Variants in SCAPER observed in about 807,000 individuals in gnomAD.
The protein encoded by SCAPER is S phase cyclin A-associated protein in the endoplasmic reticulum.
Under a neutral mutation model 182.2 loss-of-function variants are expected in SCAPER, and 98 were observed. That is an observed-to-expected ratio of 0.54 (90% confidence interval 0.46 to 0.64). The LOEUF is 0.64. Ranked by LOEUF, SCAPER falls within the 30% of genes least tolerant of loss-of-function variation. The probability of loss-of-function intolerance (pLI) is 0.00; values close to 1 mark genes in which losing one functional copy is unlikely to be tolerated. For missense variants in SCAPER, 1,432 were observed against 1,690.0 expected (o/e 0.85, Z 2.68); for synonymous variants, 605 against 564.6 (o/e 1.07, Z -1.01).
intron 28 of SCAPER, 148 bp downstream of exon 28, chr15:76,381,230 T>A: frequency 2.4e-6 from 1 of 423,706 alleles, no homozygotes; most frequent in Non-Finnish European, 3.9e-6. Context: ...CAGAAAATAG[T>A]AGTTTAATAA....
intron 23 of SCAPER, among the ~76,000 whole-genome samples, chr15:76,526,740 TCA>T (rs1392762328): frequency 1.3e-5 from 2 of 152,136 alleles, no homozygotes; most frequent in East Asian, 1.9e-4. Context: ...TTCCTAGAGT[TCA>T]GTTTTTAAAT....
At chr15:76,367,328 C>G (rs568835801) in intron 29 of SCAPER, among the ~76,000 whole-genome samples, 1 of 152,296 alleles carries the variant, frequency 6.6e-6, no homozygotes, top group East Asian at 1.9e-4. Flanking sequence ...GAGGTGTTCC[C>G]TGTGATTACA....
chr15:76,539,417 C>T (rs1240770417), intron 23 of SCAPER, among the ~76,000 whole-genome samples: 1 of 152,026 alleles, frequency 6.6e-6, no homozygotes, highest in African/African-American at 2.4e-5. Flanking sequence ...AGTTAAAACA[C>T]TTAAGGTATT....
chr15:76,737,641 T>C (rs1326267814), intron 15 of SCAPER, among the ~76,000 whole-genome samples: 1 of 152,244 alleles, frequency 6.6e-6, no homozygotes, highest in Non-Finnish European at 1.5e-5. Context: ...CTGAATTCTC[T>C]ATAGCTATGA....
rs867522582 is a variant in SCAPER, at chr15:76,748,872, A to G, written c.1866+4936T>C. The stretch of plus-strand genomic sequence containing the variant: ...AAAGCAATAAAACTTTTAGGCAAAA[A>G]TCTTCCCACAAAGAAAACCCCAGAC... On this transcript the variant is annotated intron_variant, in intron 15 of 31. Coordinates refer to ENST00000563290, the MANE Select transcript of SCAPER (RefSeq NM_020843.4). 8.5e-5 allele frequency among the ~76,000 whole-genome samples: 13 copies of G among 152,186 alleles called. No individual in the cohort carries two copies. The Middle Eastern group carries it at 0.01, about 119-fold the overall frequency.
At chr15:76,639,968 C>T (rs2053969532) in intron 21 of SCAPER, among the ~76,000 whole-genome samples, 1 of 152,198 alleles carries the variant, frequency 6.6e-6, no homozygotes, top group South Asian at 2.1e-4. Context: ...AGGTATTTGG[C>T]TCCCTGTAGC....
intron 4 of SCAPER, among the ~76,000 whole-genome samples, chr15:76,845,899 G>A (rs752567918): frequency 4.0e-5 from 6 of 151,442 alleles, no homozygotes; most frequent in Non-Finnish European, 7.4e-5. Context: ...TATCCTACAC[G>A]AAAAGAACAA....
intron 8 of SCAPER, among the ~76,000 whole-genome samples, chr15:76,777,627 G>A (rs572482252): frequency 2.0e-5 from 3 of 152,180 alleles, no homozygotes; most frequent in African/African-American, 4.8e-5. Context: ...CTGGGATGTG[G>A]AGGTTGCAGT....
intron 28 of SCAPER, among the ~76,000 whole-genome samples, 184 bp from the exon 29 acceptor site, chr15:76,376,495 G>A (rs1303224226): frequency 6.6e-6 from 1 of 152,162 alleles, no homozygotes; most frequent in African/African-American, 2.4e-5. Flanking sequence ...CATAATAAAT[G>A]CAATGTTTAA....
chr15:76,441,926 A>G (rs925232393), intron 25 of SCAPER, among the ~76,000 whole-genome samples: 1 of 152,176 alleles, frequency 6.6e-6, no homozygotes, highest in East Asian at 1.9e-4. Context: ...TGTTCACTAA[A>G]TATTTTTTAA....
intron 7 of SCAPER, among the ~76,000 whole-genome samples, chr15:76,795,956 G>C (rs2065294881): frequency 6.6e-6 from 1 of 152,136 alleles, no homozygotes; most frequent in Non-Finnish European, 1.5e-5. Flanking sequence ...AGCTACTCGA[G>C]AGACTGAGGC....
At chr15:76,488,410 A>T (rs2051876086) in intron 24 of SCAPER, among the ~76,000 whole-genome samples, 1 of 152,144 alleles carries the variant, frequency 6.6e-6, no homozygotes, top group Non-Finnish European at 1.5e-5. Flanking sequence ...ACCAATAATG[A>T]TTACTGAAAA....
chr15:76,885,522 C>T (rs1219269691), intron 1 of SCAPER, among the ~76,000 whole-genome samples: 2 of 152,198 alleles, frequency 1.3e-5, no homozygotes, highest in African/African-American at 2.4e-5. Context: ...CTGGCTCTGT[C>T]GCCCAGACTG....
intron 5 of SCAPER, among the ~76,000 whole-genome samples, chr15:76,827,872 G>C (rs908912005): frequency 5.9e-5 from 9 of 152,132 alleles, no homozygotes; most frequent in Non-Finnish European, 1.2e-4. Context: ...CAGTGCTATG[G>C]TTTGAATATT....
intron 5 of SCAPER, among the ~76,000 whole-genome samples, chr15:76,818,229 A>T (rs759048131): frequency 6.6e-6 from 1 of 152,222 alleles, no homozygotes; most frequent in Non-Finnish European, 1.5e-5. Context: ...TGCTAGAATA[A>T]ATGGGACATC....
chr15:76,545,316 C>G (rs2045172409), intron 23 of SCAPER, among the ~76,000 whole-genome samples: 1 of 152,112 alleles, frequency 6.6e-6, no homozygotes, highest in Admixed American at 6.6e-5. Context: ...GAAAATATCT[C>G]TGGCTCATCC....
intron 8 of SCAPER, among the ~76,000 whole-genome samples, chr15:76,780,132 GCCGTGACAGACTGTA>G (rs1381114607): frequency 1.3e-5 from 2 of 152,360 alleles, no homozygotes; most frequent in African/African-American, 2.4e-5. Context: ...GCCAAGGCAA[GCCGTGACAGACTGTA>G]CCTGGAAAAA....
At chr15:76,654,204 C>T (rs1022515813) in intron 21 of SCAPER, among the ~76,000 whole-genome samples, 1 of 152,112 alleles carries the variant, frequency 6.6e-6, no homozygotes, top group African/African-American at 2.4e-5. Context: ...AGATCAAGAC[C>T]ATCCTGGCTA....
At chr15:76,519,345 T>C (rs1309560468) in intron 23 of SCAPER, among the ~76,000 whole-genome samples, 1 of 152,172 alleles carries the variant, frequency 6.6e-6, no homozygotes, top group Non-Finnish European at 1.5e-5. Flanking sequence ...TATTCATTTG[T>C]AAATATTAAA....
Sources: gnomAD v4.1 joint callset for allele counts (sites outside exome capture counted in the v4.1 genomes callset) on GRCh38, gnomAD v4.1.1 for gene constraint, MANE v1.5 for transcripts, NCBI Gene and HGNC (gene_info 2026-07-23, HGNC 2026-07-21) for gene names.